Variants in RBM20 observed in about 807,000 individuals in gnomAD.
RBM20 encodes RNA-binding protein 20.
RBM20 carries 51 observed loss-of-function variants against 110.1 expected under a neutral mutation model. The ratio of observed to expected loss-of-function variants is 0.46; its 90% CI spans 0.37 to 0.59. The LOEUF (loss-of-function observed/expected upper bound fraction) is 0.59. Among genes scored for constraint, RBM20 ranks in the 20% least tolerant of loss-of-function variants. The pLI is 0.00. For synonymous variants in RBM20, 589 were observed against 618.2 expected, an observed-to-expected ratio of 0.95 and a Z score of 0.70; for missense variants, 1,512 against 1,574.9, an observed-to-expected ratio of 0.96 and a Z score of 0.68.
Position 110,799,162 on chromosome 10 carries a change from G to C in RBM20, c.1669-625G>C, listed in dbSNP as rs971279297. On this transcript the variant is annotated intron_variant, in intron 6 of 13. Coordinates refer to ENST00000369519, the MANE Select transcript of RBM20 (RefSeq NM_001134363.3). The stretch of plus-strand genomic sequence containing the variant: ...AGTAGAACTCAAATAACCAAAGCTT[G>C]TGTCTCTTGCTGTCACCATCACCAC... 6.2e-4 allele frequency among the ~76,000 whole-genome samples: 95 copies of C among 152,146 alleles called. 1 individual carries two copies. The highest frequency in any genetic ancestry group is 1.2e-4 in the Non-Finnish European group (8 of 68,016).
Position 110,812,900 on chromosome 10 carries a change from C to T in RBM20, c.2503C>T (p.Gln835Ter). ...KNKTKRTDRD[Q>*]EGADDRKENT... is the part of the protein sequence containing the mutation. ...TAAAACCAAGAGAACTGATAGAGAC[C>T]AAGAAGGAGCTGATGATAGAAAAGA... The change falls in exon 9 of 14, where the codon CAA (glutamine) becomes TAA (stop). Residue 835 changes from glutamine to a stop codon, truncating the protein, a stop_gained. Coordinates refer to ENST00000369519, the MANE Select transcript of RBM20 (RefSeq NM_001134363.3). LOFTEE classifies it high-confidence loss of function. 1 of 1,458,018 alleles carries T rather than the reference C, an allele frequency of 6.9e-7. No homozygotes were observed. Among genetic ancestry groups the T allele is most frequent in the Non-Finnish European group, 9.1e-7 (1 of 1,104,460 alleles). The allele number at this position is 1,458,018 out of a possible 1,614,324, so 90.3% of individuals were successfully genotyped here.
intron 13 of RBM20, among the ~76,000 whole-genome samples, chr10:110,833,703 A>G (rs1407950834): frequency 6.6e-6 from 1 of 152,198 alleles, no homozygotes; most frequent in Non-Finnish European, 1.5e-5. Flanking sequence ...CCACGCCCCC[A>G]GGCAGACTCC....
intron 9 of RBM20, among the ~76,000 whole-genome samples, chr10:110,814,257 G>A (rs956045370): frequency 2.0e-5 from 3 of 152,142 alleles, no homozygotes; most frequent in African/African-American, 4.8e-5. Flanking sequence ...AGGTGCAGGC[G>A]AGCCAAAGGT....
Position 110,821,433 on chromosome 10 carries a change from A to G in RBM20, c.2814A>G (p.Lys938=), listed in dbSNP as rs1022202424. 3.3e-5 allele frequency: 51 copies of G among 1,551,676 alleles called. No individual in the cohort carries two copies. Among genetic ancestry groups the G allele is most frequent in the Non-Finnish European group, 4.4e-5 (51 of 1,147,034 alleles). ...AAGAAATTGTGCCCATTGACCAGAA[A>G]GACAAAATTTGCCCAGAAACATGTC... ...ELEEIVPIDQ[K]DKICPETCLC... is the part of the protein sequence containing the mutation. The change falls in exon 11 of 14, where the codon AAA becomes AAG. Residue 938 remains lysine, a synonymous_variant. Coordinates refer to ENST00000369519, the MANE Select transcript of RBM20 (RefSeq NM_001134363.3).
rs1285165875 is a variant in RBM20, at chr10:110,644,349, G to A, written c.-106G>A. The A allele has an allele frequency of 4.8e-5, 43 of 896,456 alleles. No homozygotes were observed. The highest frequency in any genetic ancestry group is 6.1e-5 in the Non-Finnish European group (40 of 652,870). The allele number at this position is 896,456 out of a possible 1,614,324, so 55.5% of individuals were successfully genotyped here. A position where few individuals can be genotyped will look rare whatever the true frequency, so the allele number is the denominator to read the frequency against. On this transcript the variant is annotated 5_prime_UTR_variant, in exon 1 of 14. Transcript: ENST00000369519. The surrounding 1 kb of genome is among the most constrained non-coding windows in gnomAD (Gnocchi z 4.3). ...CGTCTCCTCCCCGCGCCACCGGGAA[G>A]GACAAGGGGACTGGGCACGGGGACC...
At chr10:110,700,173 G>A (rs1238273529) in intron 1 of RBM20, among the ~76,000 whole-genome samples, 2 of 152,174 alleles carry the variant, frequency 1.3e-5, no homozygotes, top group African/African-American at 4.8e-5. Context: ...CCCTCTTCCT[G>A]TTTTTCACCT....
chr10:110,720,130 A>C (rs1029625208), intron 1 of RBM20, among the ~76,000 whole-genome samples: 15 of 151,958 alleles, frequency 9.9e-5, no homozygotes, highest in African/African-American at 3.6e-4. Flanking sequence ...AAAGCCCTCA[A>C]CTCCTGATAC....
At chr10:110,675,727 C>T (rs1201416450) in intron 1 of RBM20, among the ~76,000 whole-genome samples, 1 of 152,166 alleles carries the variant, frequency 6.6e-6, no homozygotes, top group Non-Finnish European at 1.5e-5. Context: ...TCAGACAGAC[C>T]TGGGCTCACA....
In RBM20 at chr10:110,805,953, T is replaced by G. The variant is rs1294039102; in HGVS notation, c.1801-4430T>G. 2.0e-5 allele frequency among the ~76,000 whole-genome samples: 3 copies of G among 152,136 alleles called. No homozygotes were observed. In the East Asian group the frequency reaches 5.8e-4, roughly 29 times the overall value. On this transcript the variant is annotated intron_variant, in intron 7 of 13. Coordinates refer to ENST00000369519, the MANE Select transcript of RBM20 (RefSeq NM_001134363.3). ...GGAGGGTGGTGAGTACAGATGTGTA[T>G]TAGTCCGTTCTCACACTGCTTTAAA...
intron 1 of RBM20, among the ~76,000 whole-genome samples, chr10:110,725,790 G>A (rs1484512280): frequency 3.3e-5 from 5 of 152,234 alleles, no homozygotes; most frequent in Admixed American, 2.6e-4. Context: ...AAAACCAATT[G>A]TATGGCATAT....
At chr10:110,712,036 A>G (rs368580044) in intron 1 of RBM20, among the ~76,000 whole-genome samples, 2 of 152,382 alleles carry the variant, frequency 1.3e-5, no homozygotes, top group East Asian at 1.9e-4. Context: ...AGAATCAGTA[A>G]TAGTAAGAAG....
At chr10:110,761,436 A>T (rs1352975309) in intron 1 of RBM20, among the ~76,000 whole-genome samples, 4 of 150,882 alleles carry the variant, frequency 2.7e-5, no homozygotes, top group African/African-American at 9.8e-5. Flanking sequence ...ATAGTAAATG[A>T]ATAGTAAATA....
chr10:110,683,795 A>G (rs1273728634), intron 1 of RBM20, among the ~76,000 whole-genome samples: 3 of 152,240 alleles, frequency 2.0e-5, no homozygotes, highest in Admixed American at 1.3e-4. Flanking sequence ...TTCTATCTAC[A>G]GTTGAAATTA....
At chr10:110,658,051 T>A (rs921691070) in intron 1 of RBM20, among the ~76,000 whole-genome samples, 4 of 152,196 alleles carry the variant, frequency 2.6e-5, no homozygotes, top group South Asian at 2.1e-4. Flanking sequence ...TGAATCTTCC[T>A]TCAATAGTTT....
chr10:110,751,956 G>A (rs889335433), intron 1 of RBM20, among the ~76,000 whole-genome samples: 3 of 151,366 alleles, frequency 2.0e-5, no homozygotes, highest in South Asian at 4.2e-4. Context: ...ATATACCCCC[G>A]CCTCCACACA....
At chr10:110,685,742 G>C (rs937543285) in intron 1 of RBM20, among the ~76,000 whole-genome samples, 21 of 152,186 alleles carry the variant, frequency 1.4e-4, no homozygotes, top group Non-Finnish European at 2.6e-4. Context: ...GGTAGCCTTG[G>C]GCGGGAGGGT....
chr10:110,824,663 A>C (rs980665935), intron 12 of RBM20, among the ~76,000 whole-genome samples: 1 of 152,210 alleles, frequency 6.6e-6, no homozygotes, highest in Non-Finnish European at 1.5e-5. Flanking sequence ...GTCTCAGGGT[A>C]GGGAGTGAAG....
chr10:110,710,359 C>G (rs573433647), intron 1 of RBM20, among the ~76,000 whole-genome samples: 1 of 152,204 alleles, frequency 6.6e-6, no homozygotes, highest in South Asian at 2.1e-4. Flanking sequence ...ACTGTGTGCT[C>G]GCACTTGCCT....
chr10:110,663,376 C>G (rs185511914), intron 1 of RBM20, among the ~76,000 whole-genome samples: 74 of 152,298 alleles, frequency 4.9e-4, no homozygotes, highest in African/African-American at 1.8e-3. Context: ...CCGTGTACTG[C>G]TATGGAATGA....
Sources: allele counts gnomAD v4.1 joint callset (sites outside exome capture counted in the v4.1 genomes callset), GRCh38; gene constraint gnomAD v4.1.1; non-coding constraint Gnocchi (gnomAD v3.1); transcripts MANE v1.5; gene names NCBI Gene and HGNC (gene_info 2026-07-23, HGNC 2026-07-21).